Variants in COL4A6 observed in about 807,000 individuals in gnomAD.
COL4A6 encodes collagen alpha-6(IV) chain.
COL4A6 carries 59 observed loss-of-function variants against 126.7 expected under a neutral mutation model. That is an observed-to-expected ratio of 0.47 (90% confidence interval 0.38 to 0.58). The LOEUF is 0.58. COL4A6 is among the 20% of genes least tolerant of loss of function. The pLI, the probability that COL4A6 is intolerant of heterozygous loss-of-function variation, is 0.00. For missense variants in COL4A6, 1,285 were observed against 1,337.3 expected, an observed-to-expected ratio of 0.96 and a Z score of 0.61; for synonymous variants, 547 against 496.6, an observed-to-expected ratio of 1.10 and a Z score of -1.35.
At chrX:108,324,791 A>G (rs2039113784) in intron 2 of COL4A6, among the ~76,000 whole-genome samples, 1 of 111,840 alleles carries the variant, frequency 8.9e-6, no homozygotes, top group African/African-American at 3.3e-5. Context: ...GAGAAGACTA[A>G]CCAGGAAAAT....
chrX:108,387,429 A>G (rs2040725633), intron 2 of COL4A6, among the ~76,000 whole-genome samples: 3 of 111,643 alleles, frequency 2.7e-5, no homozygotes, highest in Admixed American at 9.5e-5. Flanking sequence ...GAGGTCCTTC[A>G]TATCCCTTTT....
intron 8 of COL4A6, 35 bp from the exon 9 acceptor site, chrX:108,206,615 A>C (rs1039059280): frequency 5.2e-6 from 6 of 1,150,504 alleles, no homozygotes; most frequent in Middle Eastern, 2.4e-4. Context: ...TTCAAAAAGC[A>C]AGGCAGTTTT....
At position 108,193,152 on chromosome X, in the gene COL4A6, G is replaced by A. The variant is rs771056226; in HGVS notation, c.1072+476C>T. Among the ~76,000 whole-genome samples the A allele has an allele frequency of 4.5e-5, 5 of 111,841 alleles. No homozygotes were observed. The South Asian group carries it at 1.9e-3, about 42-fold the overall frequency. Reference sequence around the variant, plus strand: ...CACAAAATAACTAGGACAAGGAGAGGTGAAGACAGACTTTCTAAGCATCAC... The same window carrying A: ...CACAAAATAACTAGGACAAGGAGAGATGAAGACAGACTTTCTAAGCATCAC... On this transcript the variant is annotated intron_variant, in intron 17 of 44. Transcript: ENST00000334504.
intron 2 of COL4A6, among the ~76,000 whole-genome samples, chrX:108,325,916 C>T (rs946547566): frequency 3.6e-5 from 4 of 111,536 alleles, no homozygotes; most frequent in Non-Finnish European, 7.5e-5. Flanking sequence ...TAGAAGGGAA[C>T]TTCTTTAACC....
chrX:108,258,107 G>T (rs1015808595), intron 3 of COL4A6, among the ~76,000 whole-genome samples: 1 of 111,550 alleles, frequency 9.0e-6, no homozygotes, highest in East Asian at 2.8e-4. Flanking sequence ...AAACACCTCT[G>T]GGAGAAATAA....
chrX:108,175,299 T>C (rs2034444394), intron 29 of COL4A6, 84 bp from the exon 30 acceptor site: 5 of 1,041,610 alleles, frequency 4.8e-6, no homozygotes, highest in Non-Finnish European at 6.3e-6. Context: ...TTTCTTCCCA[T>C]ACCACCACAG....
At chrX:108,267,909 C>CATG (rs1487981164) in intron 3 of COL4A6, 1 of 112,671 alleles carries the variant, frequency 8.9e-6, no homozygotes, top group Non-Finnish European at 1.9e-5. Flanking sequence ...ACTTAGTTTT[C>CATG]ATGAAAATAA....
chrX:108,174,321 A>T, intron 31 of COL4A6, 119 bp downstream of exon 31: 1 of 691,981 alleles, frequency 1.4e-6, no homozygotes, highest in Non-Finnish European at 2.2e-6. Flanking sequence ...CTTTCTGAGG[A>T]TGTCCTGGGA....
At chrX:108,280,292 T>C (rs1297465348) in intron 3 of COL4A6, among the ~76,000 whole-genome samples, 2 of 110,182 alleles carry the variant, frequency 1.8e-5, no homozygotes, top group African/African-American at 6.6e-5. Flanking sequence ...ATAGACGCAA[T>C]AAAAAATGAT....
At chrX:108,173,697 G>A (rs775987519) in intron 31 of COL4A6, among the ~76,000 whole-genome samples, 19 of 112,366 alleles carry the variant, frequency 1.7e-4, no homozygotes, top group Middle Eastern at 8.4e-3. Flanking sequence ...CCTCCCTACT[G>A]TCTGAAGGCT....
intron 3 of COL4A6, among the ~76,000 whole-genome samples, chrX:108,253,070 C>G (rs2036895226): frequency 9.0e-6 from 1 of 111,575 alleles, no homozygotes; most frequent in Admixed American, 9.5e-5. Flanking sequence ...AAAGCTTTCC[C>G]TTAAAAATCT....
At chrX:108,421,384 G>A (rs1054634038) in intron 2 of COL4A6, among the ~76,000 whole-genome samples, 2 of 112,098 alleles carry the variant, frequency 1.8e-5, no homozygotes, top group Admixed American at 1.9e-4. Context: ...TCAAGAGAGT[G>A]CAGAAGCTAA....
chrX:108,172,367 A>G, intron 32 of COL4A6, 102 bp downstream of exon 32: 1 of 226,577 alleles, frequency 4.4e-6, no homozygotes, highest in Non-Finnish European at 6.5e-6. Flanking sequence ...CTAAAAAAGA[A>G]AAAAAAAAAA....
chrX:108,381,180 T>C (rs2040552057), intron 2 of COL4A6, among the ~76,000 whole-genome samples: 2 of 111,816 alleles, frequency 1.8e-5, no homozygotes, highest in South Asian at 3.8e-4. Context: ...TCCTGAGAAC[T>C]GCAGGTATTC....
chrX:108,360,385 G>C (rs984584537), intron 2 of COL4A6, among the ~76,000 whole-genome samples: 6 of 111,925 alleles, frequency 5.4e-5, no homozygotes, highest in Non-Finnish European at 1.1e-4. Flanking sequence ...TGACTCACTT[G>C]AGAAGATTAC....
At chrX:108,280,727 T>A (rs1365440183) in intron 3 of COL4A6, among the ~76,000 whole-genome samples, 1 of 111,433 alleles carries the variant, frequency 9.0e-6, no homozygotes, top group Non-Finnish European at 1.9e-5. Context: ...TTGATGAACA[T>A]TGATGCAAAA....
intron 2 of COL4A6, among the ~76,000 whole-genome samples, chrX:108,323,477 C>G (rs1187031821): frequency 1.8e-5 from 2 of 111,473 alleles, no homozygotes; most frequent in African/African-American, 6.5e-5. Context: ...TGATAGCTCC[C>G]CATTACCCAC....
chrX:108,375,985 A>C (rs894885479), intron 2 of COL4A6, among the ~76,000 whole-genome samples: 1 of 111,782 alleles, frequency 8.9e-6, no homozygotes, highest in Non-Finnish European at 1.9e-5. Context: ...TATTATCTGC[A>C]ACTAATAATT....
In COL4A6 at chrX:108,176,879, G is replaced by A. The variant is rs761043169; in HGVS notation, c.2648C>T (p.Pro883Leu). 3.3e-6 allele frequency: 4 copies of A among 1,209,912 alleles called. No individual in the cohort carries two copies. The African/African-American group carries it at 5.2e-5, about 16-fold the overall frequency. The change falls in exon 28 of 45, where the codon CCA (proline) becomes CTA (leucine). Residue 883 changes from proline (P) to leucine (L), a missense_variant. Physicochemically the swap from Pro to Leu is moderately conservative, Grantham distance 98 (BLOSUM62 -3). Transcript: ENST00000334504. ...GAGGGCTGGCAACCCAGCGACCCCT[G>A]GAGAGCCTGGGCTTCCTTTCAGTCC... Reference protein sequence around the residue: ...LVGLKGSPGSPGVAGLPALSG... With the variant: ...LVGLKGSPGSLGVAGLPALSG...
Sources: gnomAD v4.1 joint callset for allele counts (sites outside exome capture counted in the v4.1 genomes callset) on GRCh38, gnomAD v4.1.1 for gene constraint, MANE v1.5 for transcripts, NCBI Gene and HGNC (gene_info 2026-07-23, HGNC 2026-07-21) for gene names.